Variants in NCALD observed in about 807,000 individuals in gnomAD.
The protein encoded by NCALD is neurocalcin-delta.
In NCALD, 10 loss-of-function variants were observed where a neutral mutation model predicts 18.6. The ratio of observed to expected loss-of-function variants is 0.54; its 90% CI spans 0.33 to 0.91. The LOEUF (loss-of-function observed/expected upper bound fraction) is 0.91. Among genes scored for constraint, NCALD ranks in the 40% least tolerant of loss-of-function variants. The pLI is 0.03. For missense variants in NCALD, 184 were observed against 247.6 expected, an observed-to-expected ratio of 0.74 and a Z score of 1.72; for synonymous variants, 88 against 87.4, an observed-to-expected ratio of 1.01 and a Z score of -0.04.
chr8:101,821,928 C>T (rs1813739531), intron 4 of NCALD, among the ~76,000 whole-genome samples: 1 of 148,864 alleles, frequency 6.7e-6, no homozygotes, highest in African/African-American at 2.5e-5. Flanking sequence ...TTCCAGCATA[C>T]CAGGCCCCCA....
chr8:102,122,440 G>A (rs750507829), intron 1 of NCALD, among the ~76,000 whole-genome samples: 16 of 152,204 alleles, frequency 1.1e-4, no homozygotes, highest in Non-Finnish European at 2.1e-4. Flanking sequence ...ACTGGAGTAA[G>A]ACGGTCCTGA....
rs150329456 is a variant in NCALD, at chr8:102,022,009, G to C, written c.-209-1720C>G. 1.1e-3 allele frequency among the ~76,000 whole-genome samples: 163 copies of C among 152,312 alleles called. 1 individual carries two copies. The highest frequency in any genetic ancestry group is 3.8e-3 in the African/African-American group (159 of 41,572). On this transcript the variant is annotated intron_variant, in intron 1 of 6. Transcript: ENST00000311028. Reference sequence around the variant, plus strand: ...CAGAATTAGATGATGTATTTGTACAGGGTCCCAGCAGAAAAGAGATGATAC... The same window carrying C: ...CAGAATTAGATGATGTATTTGTACACGGTCCCAGCAGAAAAGAGATGATAC...
At chr8:102,044,943 T>G (rs562709306) in intron 1 of NCALD, among the ~76,000 whole-genome samples, 1 of 152,258 alleles carries the variant, frequency 6.6e-6, no homozygotes, top group Admixed American at 6.5e-5. Flanking sequence ...AGGTGGGAAG[T>G]GCACAGTAGG....
intron 2 of NCALD, among the ~76,000 whole-genome samples, chr8:101,942,802 G>A (rs573344183): frequency 6.6e-6 from 1 of 152,292 alleles, no homozygotes; most frequent in African/African-American, 2.4e-5. Flanking sequence ...CAAGTAGGTG[G>A]TTGAGCCAGC....
At chr8:101,731,625 G>A (rs1431746180) in intron 1 of NCALD, among the ~76,000 whole-genome samples, 5 of 152,150 alleles carry the variant, frequency 3.3e-5, no homozygotes, top group Non-Finnish European at 5.9e-5. Context: ...TTAAAAGAGT[G>A]CACTGTTGTA....
At chr8:101,883,740 T>C (rs535672052) in intron 4 of NCALD, among the ~76,000 whole-genome samples, 13 of 152,318 alleles carry the variant, frequency 8.5e-5, no homozygotes, top group African/African-American at 3.1e-4. Flanking sequence ...TTAAATTCTA[T>C]CTAAAGACCC....
chr8:101,958,067 C>T (rs1819701827), intron 2 of NCALD, among the ~76,000 whole-genome samples: 1 of 152,178 alleles, frequency 6.6e-6, no homozygotes, highest in African/African-American at 2.4e-5. Flanking sequence ...CCACCTGGGG[C>T]ATCCTTCACC....
chr8:101,788,563 C>G (rs1179134805), intron 1 of NCALD: 1 of 152,140 alleles, frequency 6.6e-6, no homozygotes, highest in South Asian at 2.1e-4. Context: ...GCATGTATCA[C>G]AATTTTGTAA....
At chr8:101,973,721 G>T (rs993689945) in intron 2 of NCALD, among the ~76,000 whole-genome samples, 7 of 152,150 alleles carry the variant, frequency 4.6e-5, no homozygotes, top group African/African-American at 1.7e-4. Flanking sequence ...CCAGAAATCA[G>T]AGCAAGAGTG....
chr8:101,896,477 A>T (rs1817177917), intron 3 of NCALD, among the ~76,000 whole-genome samples: 1 of 151,984 alleles, frequency 6.6e-6, no homozygotes, highest in Non-Finnish European at 1.5e-5. Context: ...TGTCTAAAAC[A>T]CCAAAAGCAA....
chr8:101,941,189 T>C (rs2131752288), intron 2 of NCALD, among the ~76,000 whole-genome samples: 1 of 152,356 alleles, frequency 6.6e-6, no homozygotes, highest in South Asian at 2.1e-4. Flanking sequence ...AGGCACTTGT[T>C]TCCTGGAAGA....
At chr8:101,823,586 C>A (rs1309215205) in intron 4 of NCALD, among the ~76,000 whole-genome samples, 1 of 152,110 alleles carries the variant, frequency 6.6e-6, no homozygotes, top group Non-Finnish European at 1.5e-5. Flanking sequence ...CTCCTGGCTT[C>A]TTAATGTCAA....
intron 1 of NCALD, among the ~76,000 whole-genome samples, chr8:101,787,784 C>A (rs896771197): frequency 2.0e-5 from 3 of 152,138 alleles, no homozygotes; most frequent in African/African-American, 7.2e-5. Context: ...TCAGATAAAC[C>A]TTTAGGGCTC....
At chr8:102,123,209 G>T (rs1212901275) in intron 1 of NCALD, among the ~76,000 whole-genome samples, 1 of 152,216 alleles carries the variant, frequency 6.6e-6, no homozygotes, top group East Asian at 1.9e-4. Flanking sequence ...AACTTTGAGC[G>T]AGCTTGTGTG....
chr8:102,030,249 T>C (rs1822620063), intron 1 of NCALD, among the ~76,000 whole-genome samples: 1 of 152,232 alleles, frequency 6.6e-6, no homozygotes, highest in African/African-American at 2.4e-5. Context: ...CATGAATGAA[T>C]CAGAGAAAGG....
chr8:101,800,531 A>G (rs1812800155), intron 4 of NCALD, among the ~76,000 whole-genome samples: 2 of 152,018 alleles, frequency 1.3e-5, no homozygotes, highest in South Asian at 4.1e-4. Flanking sequence ...ACATATCAAT[A>G]ATTACCATAA....
chr8:101,891,736 C>G (rs559530832), intron 3 of NCALD, among the ~76,000 whole-genome samples: 51 of 152,278 alleles, frequency 3.3e-4, no homozygotes, highest in African/African-American at 8.9e-4. Flanking sequence ...CTTTCCAAGT[C>G]AAAGAAAGGG....
At chr8:102,020,591 C>A (rs918575714) in intron 1 of NCALD, among the ~76,000 whole-genome samples, 1 of 152,170 alleles carries the variant, frequency 6.6e-6, no homozygotes, top group Admixed American at 6.5e-5. Context: ...CCACTTCAAT[C>A]CCACTAATCA....
At chr8:102,093,432 T>C (rs1396287339) in intron 1 of NCALD, among the ~76,000 whole-genome samples, 5 of 152,200 alleles carry the variant, frequency 3.3e-5, no homozygotes, top group Non-Finnish European at 7.3e-5. Context: ...AGTAGCAAAG[T>C]GCCTAGCTAA....
Sources: allele counts gnomAD v4.1 joint callset (sites outside exome capture counted in the v4.1 genomes callset), GRCh38; gene constraint gnomAD v4.1.1; transcripts MANE v1.5; gene names NCBI Gene and HGNC (gene_info 2026-07-23, HGNC 2026-07-21).